CDC42EP4: variants seen among roughly 807,000 people sequenced by gnomAD.
CDC42EP4 encodes the protein CDC42 effector protein 4.
In CDC42EP4, 6 loss-of-function variants were observed where a neutral mutation model predicts 5.6. The observed-to-expected ratio is 1.07, with a 90% CI of 0.59 to 2.12. CDC42EP4 has a LOEUF of 2.12. Among genes scored for constraint, CDC42EP4 ranks in the 30% most tolerant of loss-of-function variants. CDC42EP4 has a pLI of 0.00. For missense variants in CDC42EP4, 490 were observed against 508.6 expected, an observed-to-expected ratio of 0.96 and a Z score of 0.35; for synonymous variants, 230 against 224.2, an observed-to-expected ratio of 1.03 and a Z score of -0.23.
intron 1 of CDC42EP4, among the ~76,000 whole-genome samples, chr17:73,303,895 C>CA (rs1224976657): frequency 6.6e-6 from 1 of 152,190 alleles, no homozygotes; most frequent in Non-Finnish European, 1.5e-5. Flanking sequence ...GCCAATAACT[C>CA]ACTCAGCCAG....
At chr17:73,287,065 C>A (rs1350323031) in intron 1 of CDC42EP4, among the ~76,000 whole-genome samples, 1 of 152,212 alleles carries the variant, frequency 6.6e-6, no homozygotes, top group African/African-American at 2.4e-5. Context: ...TGCTGTCTAA[C>A]CTCGATCCCT....
intron 1 of CDC42EP4, among the ~76,000 whole-genome samples, chr17:73,305,033 G>C (rs1303815039): frequency 6.6e-6 from 1 of 152,156 alleles, no homozygotes; most frequent in Admixed American, 6.6e-5. Flanking sequence ...GTCAGCAGGA[G>C]GTGAAGGGGA....
intron 1 of CDC42EP4, among the ~76,000 whole-genome samples, chr17:73,294,393 G>A (rs1427233895): frequency 6.6e-6 from 1 of 152,062 alleles, no homozygotes; most frequent in Admixed American, 6.6e-5. Context: ...AACCCAGGAT[G>A]GGAACATGAA....
intron 1 of CDC42EP4, among the ~76,000 whole-genome samples, chr17:73,296,079 T>G (rs2062182965): frequency 1.3e-5 from 2 of 151,618 alleles, no homozygotes; most frequent in Admixed American, 1.3e-4. Context: ...GAAGCCTTAT[T>G]CATAATAGCG....
intron 1 of CDC42EP4, among the ~76,000 whole-genome samples, chr17:73,304,043 G>GA (rs926736833): frequency 6.6e-6 from 1 of 152,098 alleles, no homozygotes; most frequent in African/African-American, 2.4e-5. Flanking sequence ...TCTCCATGTG[G>GA]ATCCCAACAG....
At chr17:73,298,008 A>C (rs1262281225) in intron 1 of CDC42EP4, among the ~76,000 whole-genome samples, 1 of 144,590 alleles carries the variant, frequency 6.9e-6, no homozygotes, top group Non-Finnish European at 1.6e-5. Flanking sequence ...AAAAAAAAAA[A>C]AAACCCAAAG....
intron 1 of CDC42EP4, among the ~76,000 whole-genome samples, chr17:73,293,129 T>C (rs9914899): frequency 0.32 from 48,201 of 152,146 alleles, 7,706 homozygotes; most frequent in South Asian, 0.37. Context: ...ATTACAGGCA[T>C]GAGCCACCGC....
chr17:73,294,429 A>G (rs2062175320), intron 1 of CDC42EP4, among the ~76,000 whole-genome samples: 1 of 152,194 alleles, frequency 6.6e-6, no homozygotes, highest in South Asian at 2.1e-4. Flanking sequence ...CTCCTGTACC[A>G]TTTATGTATC....
At chr17:73,292,480 G>T (rs1392546071) in intron 1 of CDC42EP4, among the ~76,000 whole-genome samples, 1 of 151,932 alleles carries the variant, frequency 6.6e-6, no homozygotes, top group Non-Finnish European at 1.5e-5. Flanking sequence ...TTTTCCCAGG[G>T]CACGTGTGTA....
In CDC42EP4 at chr17:73,283,711, G is replaced by A. The variant is rs558162103; in HGVS notation, c.*1719C>T. On this transcript the variant is annotated 3_prime_UTR_variant, in exon 2 of 2. Coordinates refer to ENST00000335793, the MANE Select transcript of CDC42EP4 (RefSeq NM_012121.5). ...TTTAGAATCTGGAATTGGCCTGGAC[G>A]GGATTCGAGGGCAGCTGGCGGGGGC... 1.3e-5 allele frequency: 2 copies of A among 152,328 alleles called. No individual in the cohort carries two copies. The highest frequency in any genetic ancestry group is 4.2e-4 in the South Asian group (2 of 4,814). The allele number at this position is 152,328 out of a possible 1,614,324, so 9.4% of individuals were successfully genotyped here. A position where few individuals can be genotyped will look rare whatever the true frequency, so the allele number is the denominator to read the frequency against.
intron 1 of CDC42EP4, chr17:73,309,748 G>A (rs1372002466): frequency 6.6e-6 from 1 of 152,450 alleles, no homozygotes; most frequent in Non-Finnish European, 1.5e-5. Flanking sequence ...GAGGCGCTGA[G>A]ACTCACCCCA....
At chr17:73,302,001 T>C (rs1261052518) in intron 1 of CDC42EP4, among the ~76,000 whole-genome samples, 1 of 152,172 alleles carries the variant, frequency 6.6e-6, no homozygotes, top group Non-Finnish European at 1.5e-5. Context: ...GCCTGGCTAA[T>C]TTTTGTATTT....
chr17:73,309,120 G>A (rs1211132313), intron 1 of CDC42EP4, among the ~76,000 whole-genome samples: 1 of 150,454 alleles, frequency 6.6e-6, no homozygotes, highest in African/African-American at 2.4e-5. Flanking sequence ...CCGAGGTGGG[G>A]GAAGATCCCT....
At chr17:73,294,985 T>TC (rs1451568308) in intron 1 of CDC42EP4, among the ~76,000 whole-genome samples, 4 of 151,606 alleles carry the variant, frequency 2.6e-5, no homozygotes, top group African/African-American at 9.7e-5. Flanking sequence ...ATTTTTGTAT[T>TC]TTTTTTAGTA....
intron 1 of CDC42EP4, among the ~76,000 whole-genome samples, chr17:73,298,553 A>G (rs757060767): frequency 3.0e-4 from 45 of 152,354 alleles, no homozygotes; most frequent in Middle Eastern, 3.4e-3. Context: ...TAGCTTGGCT[A>G]GACTGTCACT....
intron 1 of CDC42EP4, among the ~76,000 whole-genome samples, chr17:73,293,864 C>T (rs986108337): frequency 3.9e-5 from 6 of 152,176 alleles, no homozygotes; most frequent in Non-Finnish European, 8.8e-5. Context: ...CTTAGATACA[C>T]GTGGTTACAT....
chr17:73,311,099 A>T (rs1349888176), intron 1 of CDC42EP4: 1 of 152,084 alleles, frequency 6.6e-6, no homozygotes, highest in Non-Finnish European at 1.5e-5. Flanking sequence ...CTAGCCCAGG[A>T]GCGGCCGTCT....
rs547362762 is a variant in CDC42EP4, at chr17:73,297,001, A to AAAAAAAAAAACAC, written c.-112-10390_-112-10389insGTGTTTTTTTTTT. On this transcript the variant is annotated intron_variant, in intron 1 of 1. Transcript: ENST00000335793. ...GTCTCAAAAAAAAAAAAAAAAAAAA[A>AAAAAAAAAAACAC]AAATACACAAGGCCAAGCGCCGTGG... Among the ~76,000 whole-genome samples, 8 of 61,774 alleles carry AAAAAAAAAAACAC rather than the reference A, an allele frequency of 1.3e-4. 1 individual carries two copies. The highest frequency in any genetic ancestry group is 1.7e-4 in the Non-Finnish European group (5 of 30,034). 40.5% of individuals were successfully genotyped at this position (61,774 alleles called of 152,430 possible).
At chr17:73,288,628 T>C (rs1037461231) in intron 1 of CDC42EP4, among the ~76,000 whole-genome samples, 3 of 151,888 alleles carry the variant, frequency 2.0e-5, no homozygotes, top group African/African-American at 7.3e-5. Context: ...GTGTGACACA[T>C]GGTCCGCCTC....
Sources: gnomAD v4.1 joint callset for allele counts (sites outside exome capture counted in the v4.1 genomes callset) on GRCh38, gnomAD v4.1.1 for gene constraint, MANE v1.5 for transcripts, NCBI Gene and HGNC (gene_info 2026-07-23, HGNC 2026-07-21) for gene names.